Variants in SLC24A2 observed in about 807,000 individuals in gnomAD.
SLC24A2 encodes solute carrier family 24 member 2.
Under a neutral mutation model 62.0 loss-of-function variants are expected in SLC24A2, and 36 were observed. The ratio of observed to expected loss-of-function variants is 0.58; its 90% CI spans 0.44 to 0.77. The LOEUF (loss-of-function observed/expected upper bound fraction) is 0.77. Among genes scored for constraint, SLC24A2 ranks in the 30% least tolerant of loss-of-function variants. The pLI is 0.00. For synonymous variants in SLC24A2, 358 were observed against 294.0 expected, an observed-to-expected ratio of 1.22 and a Z score of -2.23; for missense variants, 846 against 817.9, an observed-to-expected ratio of 1.03 and a Z score of -0.42.
the SLC24A2 span, among the ~76,000 whole-genome samples, chr9:20,253,088 T>C: frequency 6.6e-6 from 1 of 152,180 alleles, no homozygotes; most frequent in Non-Finnish European, 1.5e-5. Context: ...ATTACCCCTA[T>C]AGTGGGAATT....
the SLC24A2 span, among the ~76,000 whole-genome samples, chr9:19,897,398 G>GT: frequency 6.6e-6 from 1 of 151,956 alleles, no homozygotes; most frequent in Admixed American, 6.6e-5. Context: ...TTTTAGACAT[G>GT]TACTAAAAGA....
intron 5 of SLC24A2, among the ~76,000 whole-genome samples, chr9:19,585,998 A>G (rs1018943670): frequency 5.3e-5 from 8 of 152,320 alleles, no homozygotes; most frequent in South Asian, 2.1e-4. Flanking sequence ...CCAGTTTTCA[A>G]TTGCATCTCC....
chr9:19,784,783 G>A (rs1404005442), intron 2 of SLC24A2, among the ~76,000 whole-genome samples: 1 of 152,208 alleles, frequency 6.6e-6, no homozygotes, highest in East Asian at 1.9e-4. Context: ...CGAGAGAAAT[G>A]TTAGAAAATA....
chr9:19,572,516 T>A (rs1465648256), intron 7 of SLC24A2, among the ~76,000 whole-genome samples: 1 of 152,110 alleles, frequency 6.6e-6, no homozygotes, highest in Admixed American at 6.5e-5. Flanking sequence ...GTATGGCACA[T>A]CTCCATTCCC....
the SLC24A2 span, among the ~76,000 whole-genome samples, chr9:19,960,819 T>C: frequency 4.6e-5 from 7 of 152,322 alleles, no homozygotes; most frequent in African/African-American, 1.7e-4. Flanking sequence ...CACAGGGTTG[T>C]CGTGAGCATT....
the SLC24A2 span, among the ~76,000 whole-genome samples, chr9:20,035,828 G>A: frequency 6.6e-6 from 1 of 152,174 alleles, no homozygotes; most frequent in African/African-American, 2.4e-5. Context: ...GATGGTGCTA[G>A]GTTTTCTTCT....
intron 5 of SLC24A2, among the ~76,000 whole-genome samples, chr9:19,590,581 C>A (rs1426769531): frequency 6.6e-6 from 1 of 152,166 alleles, no homozygotes; most frequent in Non-Finnish European, 1.5e-5. Flanking sequence ...TCCCTCCATT[C>A]ATTCCTGAAG....
chr9:19,683,088 A>C (rs1191949110), intron 2 of SLC24A2, among the ~76,000 whole-genome samples: 1 of 152,126 alleles, frequency 6.6e-6, no homozygotes, highest in Non-Finnish European at 1.5e-5. Flanking sequence ...ATTTCAGTGC[A>C]GGGCATTTGC....
At chr9:19,961,579 C>T in the SLC24A2 span, among the ~76,000 whole-genome samples, 68,691 of 151,994 alleles carry the variant, frequency 0.45, 16,251 homozygotes, top group Non-Finnish European at 0.53. Flanking sequence ...GCCACCTGTG[C>T]CAGGTAACCT....
At chr9:19,540,951 T>TCATTTCATC (rs1215748310) in intron 8 of SLC24A2, among the ~76,000 whole-genome samples, 9 of 91,462 alleles carry the variant, frequency 9.8e-5, no homozygotes, top group East Asian at 9.8e-4. Flanking sequence ...TTCATTTCAT[T>TCATTTCATC]CATTTCATCT....
the SLC24A2 span, among the ~76,000 whole-genome samples, chr9:19,886,081 T>C: frequency 6.6e-6 from 1 of 152,216 alleles, no homozygotes; most frequent in African/African-American, 2.4e-5. Context: ...GTCATTATGG[T>C]AAAATGATTT....
chr9:20,236,924 G>T, the SLC24A2 span, among the ~76,000 whole-genome samples: 7 of 152,066 alleles, frequency 4.6e-5, no homozygotes, highest in Non-Finnish European at 8.8e-5. Flanking sequence ...CAGGAAATCA[G>T]GGATGGTTAC....
chr9:19,967,477 C>T, the SLC24A2 span: 1 of 152,230 alleles, frequency 6.6e-6, no homozygotes, highest in Non-Finnish European at 1.5e-5. Flanking sequence ...TATCACTTTG[C>T]TTTCATAAAG....
chr9:19,820,999 A>G, the SLC24A2 span, among the ~76,000 whole-genome samples: 1 of 152,154 alleles, frequency 6.6e-6, no homozygotes, highest in Non-Finnish European at 1.5e-5. Context: ...TTTTGAAAAA[A>G]TACTTTTATT....
At chr9:19,523,008 A>T (rs1292179883) in intron 9 of SLC24A2, among the ~76,000 whole-genome samples, 2 of 152,142 alleles carry the variant, frequency 1.3e-5, no homozygotes, top group Non-Finnish European at 2.9e-5. Context: ...TCTTGGAGGG[A>T]ATTCTAAAGT....
At chr9:19,827,303 A>G in the SLC24A2 span, among the ~76,000 whole-genome samples, 1 of 151,794 alleles carries the variant, frequency 6.6e-6, no homozygotes, top group African/African-American at 2.4e-5. Flanking sequence ...GTTTACCTCC[A>G]CTCCCCAATG....
chr9:20,268,287 C>G, the SLC24A2 span, among the ~76,000 whole-genome samples: 2 of 152,284 alleles, frequency 1.3e-5, no homozygotes, highest in Admixed American at 1.3e-4. Context: ...CTACATCAGG[C>G]CTTATGCCCC....
At chr9:19,740,460 T>C (rs747213796) in intron 2 of SLC24A2, among the ~76,000 whole-genome samples, 1 of 152,152 alleles carries the variant, frequency 6.6e-6, no homozygotes, top group Non-Finnish European at 1.5e-5. Context: ...GTTAGATAAA[T>C]GAAGTCAAAC....
At chr9:19,789,542 C>CCTTTCATTTCATGGGTGAT (rs1823280092), upstream of SLC24A2, among the ~76,000 whole-genome samples, 1 of 152,156 alleles carries the variant, frequency 6.6e-6, no homozygotes, top group Non-Finnish European at 1.5e-5. Context: ...TGCAGGGTGA[C>CCTTTCATTTCATGGGTGAT]CTTTCATTTC....
Sources: allele counts gnomAD v4.1 joint callset (sites outside exome capture counted in the v4.1 genomes callset), GRCh38; gene constraint gnomAD v4.1.1; transcripts MANE v1.5; gene names NCBI Gene and HGNC (gene_info 2026-07-23, HGNC 2026-07-21).